MAP2K5: variants seen among roughly 807,000 people sequenced by gnomAD.
MAP2K5 encodes mitogen-activated protein kinase kinase 5, also known as dual specificity mitogen-activated protein kinase kinase 5.
A neutral mutation model predicts 83.1 loss-of-function variants in MAP2K5; 49 were observed. The observed-to-expected ratio is 0.59, with a 90% CI of 0.47 to 0.75. The LOEUF (loss-of-function observed/expected upper bound fraction) is 0.75. Ranked by LOEUF, MAP2K5 falls within the 30% of genes least tolerant of loss-of-function variation. MAP2K5 has a pLI of 0.00. For missense variants in MAP2K5, 457 were observed against 557.5 expected, an observed-to-expected ratio of 0.82 and a Z score of 1.82; for synonymous variants, 202 against 191.8, an observed-to-expected ratio of 1.05 and a Z score of -0.44.
intron 4 of MAP2K5, among the ~76,000 whole-genome samples, chr15:67,582,153 C>A: frequency 6.6e-6 from 1 of 150,582 alleles, no homozygotes; most frequent in African/African-American, 2.4e-5. Flanking sequence ...CCTCTGACTC[C>A]CTGGTTCAAG....
intron 16 of MAP2K5, among the ~76,000 whole-genome samples, chr15:67,705,411 C>T (rs1224081697): frequency 6.6e-6 from 1 of 151,928 alleles, no homozygotes; most frequent in Non-Finnish European, 1.5e-5. Context: ...TGTAATTTGT[C>T]AGGTGGGGAT....
intron 5 of MAP2K5, among the ~76,000 whole-genome samples, chr15:67,586,281 C>T (rs1179163577): frequency 1.3e-5 from 2 of 152,154 alleles, no homozygotes; most frequent in African/African-American, 2.4e-5. Context: ...AATACCCTCT[C>T]TTGACATATT....
At chr15:67,631,697 A>G (rs1416460485) in intron 9 of MAP2K5, among the ~76,000 whole-genome samples, 1 of 152,122 alleles carries the variant, frequency 6.6e-6, no homozygotes, top group Non-Finnish European at 1.5e-5. Flanking sequence ...ATCTCTGCCA[A>G]ACTCCAGCAT....
At chr15:67,761,037 G>A (rs1851044725) in intron 19 of MAP2K5, among the ~76,000 whole-genome samples, 1 of 152,030 alleles carries the variant, frequency 6.6e-6, no homozygotes, top group South Asian at 2.1e-4. Context: ...CTGGTCGGCT[G>A]GGGTGTTGCC....
In MAP2K5 at chr15:67,563,272, C is replaced by A. The variant is rs199953786; in HGVS notation, c.185-11C>A. On this transcript the variant is annotated splice_polypyrimidine_tract_variant and intron_variant, in intron 2 of 21. Coordinates refer to ENST00000178640, the MANE Select transcript of MAP2K5 (RefSeq NM_145160.3). The surrounding 1 kb of genome is among the most constrained non-coding windows in gnomAD (Gnocchi z 4.5). ...CACACCTTATCATTTGCATTATGTG[C>A]TTTTAAACAGATGAAGATGAAGATG... is the stretch of plus-strand genomic sequence containing the variant. 1.2e-6 allele frequency: 2 copies of A among 1,608,566 alleles called. No homozygotes were observed. Among genetic ancestry groups the A allele is most frequent in the Non-Finnish European group, 1.7e-6 (2 of 1,178,218 alleles).
In MAP2K5 at chr15:67,758,839, A is replaced by T. The variant is rs1393680451; in HGVS notation, c.1134+10238A>T. 1.3e-5 allele frequency among the ~76,000 whole-genome samples: 2 copies of T among 152,206 alleles called. No homozygotes were observed. The highest frequency in any genetic ancestry group is 4.8e-5 in the African/African-American group (2 of 41,440). ...GTAAGGTTCCTTACATTATACTATC[A>T]CTGATTTGAAGAAAGTACAAAGTGA... On this transcript the variant is annotated intron_variant, in intron 19 of 21. Transcript: ENST00000178640. The surrounding 1 kb of genome is among the most constrained non-coding windows in gnomAD (Gnocchi z 4.7).
intron 1 of MAP2K5, among the ~76,000 whole-genome samples, chr15:67,546,779 T>C (rs556096115): frequency 7.9e-5 from 12 of 152,218 alleles, no homozygotes; most frequent in Admixed American, 5.9e-4. Context: ...CTATAAGACT[T>C]CTGGGCCAGG....
Position 67,785,962 on chromosome 15 carries a change from A to G in MAP2K5, c.1242+13210A>G, listed in dbSNP as rs1285466846. Among the ~76,000 whole-genome samples, 1 of 151,876 alleles carries G rather than the reference A, an allele frequency of 6.6e-6. No individual in the cohort carries two copies. Among genetic ancestry groups the G allele is most frequent in the African/African-American group, 2.4e-5 (1 of 41,358 alleles). On this transcript the variant is annotated intron_variant, in intron 21 of 21. Coordinates refer to ENST00000178640, the MANE Select transcript of MAP2K5 (RefSeq NM_145160.3). This position sits in a 1 kb window ranked among gnomAD's most constrained non-coding sequence, Gnocchi z 4.4. ...AGCCCATCTGAGCCTGAGCTGCTTC[A>G]TCTGTAAAATGGGGTAATGATACCA...
rs781449318 is a variant in MAP2K5 at position 67,543,302 on chromosome 15, C to G, written c.-34C>G. Reference sequence around the variant, plus strand: ...TCCTAACCAGCGGCCAGTGGGTTTCCCATACCCCAGGATGTGAGCCTCTTT... The same window carrying G: ...TCCTAACCAGCGGCCAGTGGGTTTCGCATACCCCAGGATGTGAGCCTCTTT... On this transcript the variant is annotated 5_prime_UTR_variant, in exon 1 of 22. Transcript: ENST00000178640. The surrounding 1 kb of genome is among the most constrained non-coding windows in gnomAD (Gnocchi z 4.3). The G allele has an allele frequency of 1.9e-6, 3 of 1,613,760 alleles. No homozygotes were observed. The highest frequency in any genetic ancestry group is 2.5e-6 in the Non-Finnish European group (3 of 1,179,756).
rs1435557123 is a variant in MAP2K5, at chr15:67,748,779, G to A, written c.1134+178G>A. Among the ~76,000 whole-genome samples the A allele has an allele frequency of 6.6e-6, 1 of 152,132 alleles. No individual in the cohort carries two copies. The highest frequency in any genetic ancestry group is 1.5e-5 in the Non-Finnish European group (1 of 68,036). On this transcript the variant is annotated intron_variant, in intron 19 of 21. Coordinates refer to ENST00000178640, the MANE Select transcript of MAP2K5 (RefSeq NM_145160.3). The surrounding 1 kb of genome is among the most constrained non-coding windows in gnomAD (Gnocchi z 4.0). The stretch of plus-strand genomic sequence containing the variant: ...CCTGAATCCCACTCTTCTGATTCTG[G>A]CCAAGAAACCCTGCAAAAACAGACT...
Position 67,698,579 on chromosome 15 carries a change from A to G in MAP2K5, c.973-4758A>G, listed in dbSNP as rs1472757675. ...AACTATTCAGTCTTCCTGGCTTACTATCATTTTAAAAATCAAATATAAAAA... is the reference window on the plus strand; with the variant it reads ...AACTATTCAGTCTTCCTGGCTTACTGTCATTTTAAAAATCAAATATAAAAA... On this transcript the variant is annotated intron_variant, in intron 15 of 21. Coordinates refer to ENST00000178640, the MANE Select transcript of MAP2K5 (RefSeq NM_145160.3). The surrounding 1 kb of genome is among the most constrained non-coding windows in gnomAD (Gnocchi z 4.5). 6.6e-6 allele frequency among the ~76,000 whole-genome samples: 1 copy of G among 152,212 alleles called. No individual in the cohort carries two copies. The highest frequency in any genetic ancestry group is 1.5e-5 in the Non-Finnish European group (1 of 68,038).
intron 13 of MAP2K5, among the ~76,000 whole-genome samples, chr15:67,686,131 A>C (rs1024430689): frequency 6.6e-6 from 1 of 152,224 alleles, no homozygotes; most frequent in Non-Finnish European, 1.5e-5. Context: ...TAGATGGTAG[A>C]GTTGAACCCA....
chr15:67,630,857 C>A, intron 8 of MAP2K5, 31 bp from the exon 9 acceptor site: 1 of 1,582,958 alleles, frequency 6.3e-7, no homozygotes, highest in South Asian at 1.1e-5. Context: ...TTAGTGATCC[C>A]AAATGATTTT....
At chr15:67,762,120 C>T (rs752777564) in intron 19 of MAP2K5, among the ~76,000 whole-genome samples, 2 of 152,150 alleles carry the variant, frequency 1.3e-5, no homozygotes, top group Admixed American at 6.5e-5. Flanking sequence ...TGTCAGTGGT[C>T]ATGCTTGATT....
chr15:67,751,888 C>T (rs141633165), intron 19 of MAP2K5, among the ~76,000 whole-genome samples: 1 of 152,222 alleles, frequency 6.6e-6, no homozygotes, highest in Non-Finnish European at 1.5e-5. Flanking sequence ...GTGTATAGAG[C>T]CCTTTGCCCC....
rs537416215 is a variant in MAP2K5, at chr15:67,782,739, G to T, written c.1242+9987G>T. Among the ~76,000 whole-genome samples, 6 of 152,004 alleles carry T rather than the reference G, an allele frequency of 3.9e-5. No homozygotes were observed. Among genetic ancestry groups the T allele is most frequent in the African/African-American group, 1.5e-4 (6 of 41,364 alleles). Reference sequence around the variant, plus strand: ...ACAGCTTTGCCTCTGGAATACTCTCGCTCTAACTCTGGGGAAGGCAGATCG... The same window carrying T: ...ACAGCTTTGCCTCTGGAATACTCTCTCTCTAACTCTGGGGAAGGCAGATCG... On this transcript the variant is annotated intron_variant, in intron 21 of 21. Transcript: ENST00000178640. The surrounding 1 kb of genome is among the most constrained non-coding windows in gnomAD (Gnocchi z 4.9).
intron 7 of MAP2K5, 123 bp from the exon 8 acceptor site, chr15:67,600,562 C>T (rs968927407): frequency 1.6e-5 from 11 of 689,942 alleles, no homozygotes; most frequent in Middle Eastern, 4.7e-4. Context: ...TTGATCTTCT[C>T]GTTTTTGCAG....
At chr15:67,641,412 T>A (rs1288009922) in intron 9 of MAP2K5, 8 of 790,432 alleles carry the variant, frequency 1.0e-5, no homozygotes, top group Non-Finnish European at 1.3e-5. Flanking sequence ...AGCAGCTTAA[T>A]TTGACCTGTG....
In MAP2K5 at chr15:67,750,529, C is replaced by G. The variant is rs75332797; in HGVS notation, c.1134+1928C>G. Reference sequence around the variant, plus strand: ...ATGCAGTGTTCCTCATAGGGTGGACCAAGGACTGATTGCATCAGAATTACC... The same window carrying G: ...ATGCAGTGTTCCTCATAGGGTGGACGAAGGACTGATTGCATCAGAATTACC... On this transcript the variant is annotated intron_variant, in intron 19 of 21. Transcript: ENST00000178640. The surrounding 1 kb of genome is among the most constrained non-coding windows in gnomAD (Gnocchi z 4.2). Among the ~76,000 whole-genome samples the G allele has an allele frequency of 5.3e-5, 8 of 152,236 alleles. No individual in the cohort carries two copies. The East Asian group carries it at 1.5e-3, about 29-fold the overall frequency.
Sources: allele counts gnomAD v4.1 joint callset (sites outside exome capture counted in the v4.1 genomes callset), GRCh38; gene constraint gnomAD v4.1.1; non-coding constraint Gnocchi (gnomAD v3.1); transcripts MANE v1.5; gene names NCBI Gene and HGNC (gene_info 2026-07-23, HGNC 2026-07-21).